The following TRAF3 variants were observed in gnomAD, a reference collection of about 807,000 sequenced individuals.
TRAF3 encodes TNF receptor associated factor 3.
Under a neutral mutation model 62.3 loss-of-function variants are expected in TRAF3, and 13 were observed. The ratio of observed to expected loss-of-function variants is 0.21; its 90% CI spans 0.14 to 0.33. The LOEUF (loss-of-function observed/expected upper bound fraction) is 0.33, where lower values mean the gene tolerates loss of function less well. Among genes scored for constraint, TRAF3 ranks in the 10% least tolerant of loss-of-function variants. TRAF3 has a pLI of 1.00. For synonymous variants in TRAF3, 269 were observed against 283.4 expected, an observed-to-expected ratio of 0.95 and a Z score of 0.51; for missense variants, 440 against 741.8, an observed-to-expected ratio of 0.59 and a Z score of 4.73.
At position 102,797,850 on chromosome 14, in the gene TRAF3, G is replaced by A. The variant is rs182614738; in HGVS notation, c.-157+20175G>A. Among the ~76,000 whole-genome samples, 147 of 151,502 alleles carry A rather than the reference G, an allele frequency of 9.7e-4. 1 individual carries two copies. The highest frequency in any genetic ancestry group is 3.4e-3 in the African/African-American group (142 of 41,298). ...CCACCCAGGTTCAAGCGATTCTCCC[G>A]CCTCAGCTTCCCGAGTAGCTGGGAT... On this transcript the variant is annotated intron_variant, in intron 1 of 11. Coordinates refer to ENST00000392745, the MANE Select transcript of TRAF3 (RefSeq NM_145725.3).
chr14:102,808,672 C>T (rs944282437), intron 1 of TRAF3, among the ~76,000 whole-genome samples: 3 of 152,146 alleles, frequency 2.0e-5, no homozygotes, highest in Non-Finnish European at 2.9e-5. Flanking sequence ...TAGCTATAGA[C>T]GCATTTTACA....
chr14:102,812,875 C>T (rs944504786), intron 1 of TRAF3, among the ~76,000 whole-genome samples: 4 of 151,648 alleles, frequency 2.6e-5, no homozygotes, highest in Non-Finnish European at 5.9e-5. Flanking sequence ...GCCGAGATAG[C>T]GCCACTGCAG....
intron 6 of TRAF3, among the ~76,000 whole-genome samples, chr14:102,879,845 GGTAGCTCACA>G (rs1888945439): frequency 1.3e-5 from 2 of 152,036 alleles, no homozygotes; most frequent in African/African-American, 4.8e-5. Flanking sequence ...GGCTGGGTGT[GGTAGCTCACA>G]CCTGTGTGCC....
intron 1 of TRAF3, among the ~76,000 whole-genome samples, chr14:102,780,458 G>C (rs1010832400): frequency 1.3e-5 from 2 of 151,974 alleles, no homozygotes; most frequent in Non-Finnish European, 2.9e-5. Flanking sequence ...TCCAGGAAAG[G>C]GGGTGGGGAG....
Position 102,910,187 on chromosome 14 carries a change from A to T in TRAF3, c.*4403A>T, listed in dbSNP as rs373563762. The T allele has an allele frequency of 1.3e-5, 2 of 152,322 alleles. No individual in the cohort carries two copies. Among genetic ancestry groups the T allele is most frequent in the Non-Finnish European group, 1.5e-5 (1 of 68,030 alleles). The allele number at this position is 152,322 out of a possible 1,614,324, so 9.4% of individuals were successfully genotyped here. ...CCCTTGCTCAATCCCCGGCCCTCCC[A>T]GACTCCTCCCTCTACTGGGGGTAAT... is the stretch of plus-strand genomic sequence containing the variant. On this transcript the variant is annotated 3_prime_UTR_variant, in exon 12 of 12. Transcript: ENST00000392745.
intron 1 of TRAF3, among the ~76,000 whole-genome samples, chr14:102,781,924 C>T (rs1204539070): frequency 6.6e-6 from 1 of 151,914 alleles, no homozygotes; most frequent in Admixed American, 6.6e-5. Flanking sequence ...TCCTGAGTAG[C>T]TGGGGACCAC....
intron 2 of TRAF3, among the ~76,000 whole-genome samples, chr14:102,863,882 G>A (rs1887820816): frequency 6.6e-6 from 1 of 152,122 alleles, no homozygotes; most frequent in African/African-American, 2.4e-5. Flanking sequence ...TAGACAGGTC[G>A]AAACAAACAA....
intron 4 of TRAF3, among the ~76,000 whole-genome samples, chr14:102,873,157 G>A (rs538326730): frequency 6.6e-6 from 1 of 152,330 alleles, no homozygotes; most frequent in Admixed American, 6.5e-5. Context: ...GTTGGTCAGA[G>A]CAGCCCAGGT....
chr14:102,885,984 A>G, intron 6 of TRAF3, among the ~76,000 whole-genome samples: 1 of 152,148 alleles, frequency 6.6e-6, no homozygotes, highest in African/African-American at 2.4e-5. Context: ...GTCAGATCTG[A>G]CCAGATCTTT....
intron 2 of TRAF3, among the ~76,000 whole-genome samples, chr14:102,865,474 G>A (rs1214967219): frequency 1.3e-5 from 2 of 150,926 alleles, no homozygotes; most frequent in Non-Finnish European, 2.9e-5. Context: ...TTTTTCATCA[G>A]CATCACTCAT....
intron 1 of TRAF3, among the ~76,000 whole-genome samples, chr14:102,794,781 G>C (rs1316786670): frequency 1.3e-5 from 2 of 152,082 alleles, no homozygotes; most frequent in East Asian, 3.8e-4. Context: ...TCTGTGTTCT[G>C]AATCAATAAT....
intron 1 of TRAF3, among the ~76,000 whole-genome samples, chr14:102,784,213 GC>G (rs1462355495): frequency 1.9e-4 from 22 of 118,474 alleles, no homozygotes; most frequent in Non-Finnish European, 3.4e-4. Context: ...AAGATGCTTG[GC>G]CTTTTTTTTT....
At position 102,908,304 on chromosome 14, in the gene TRAF3, G is replaced by A. The variant is rs775889965; in HGVS notation, c.*2520G>A. 6.6e-6 allele frequency: 1 copy of A among 152,460 alleles called. No individual in the cohort carries two copies. Among genetic ancestry groups the A allele is most frequent in the Non-Finnish European group, 1.5e-5 (1 of 68,236 alleles). 9.4% of individuals were successfully genotyped at this position (152,460 alleles called of 1,614,324 possible). ...GGCCTATGTCACACACTTTGTCCTT[G>A]AACCTGAGTGATGGGGGTCCTTGAG... On this transcript the variant is annotated 3_prime_UTR_variant, in exon 12 of 12. Coordinates refer to ENST00000392745, the MANE Select transcript of TRAF3 (RefSeq NM_145725.3).
intron 1 of TRAF3, among the ~76,000 whole-genome samples, chr14:102,828,948 C>T (rs949532191): frequency 6.6e-6 from 1 of 152,156 alleles, no homozygotes; most frequent in African/African-American, 2.4e-5. Flanking sequence ...AAATCTCAGC[C>T]ACTGGCTGTA....
chr14:102,840,211 G>A (rs1034229786), intron 2 of TRAF3, among the ~76,000 whole-genome samples: 6 of 152,062 alleles, frequency 3.9e-5, no homozygotes, highest in Non-Finnish European at 8.8e-5. Context: ...AAAAATCCAT[G>A]ATGAAAAACA....
chr14:102,810,064 A>T (rs1899030020), intron 1 of TRAF3, among the ~76,000 whole-genome samples: 1 of 152,186 alleles, frequency 6.6e-6, no homozygotes, highest in African/African-American at 2.4e-5. Flanking sequence ...AGCAAAGAAG[A>T]ATATGTGACC....
At chr14:102,859,316 T>C (rs1293204561) in intron 2 of TRAF3, among the ~76,000 whole-genome samples, 1 of 152,258 alleles carries the variant, frequency 6.6e-6, no homozygotes, top group Non-Finnish European at 1.5e-5. Flanking sequence ...TGTTACACTG[T>C]TAACTCTTAG....
At chr14:102,891,102 G>C (rs1243892063) in intron 8 of TRAF3, among the ~76,000 whole-genome samples, 1 of 152,228 alleles carries the variant, frequency 6.6e-6, no homozygotes, top group Non-Finnish European at 1.5e-5. Context: ...CTGTGGCACT[G>C]CAGGGTGCTG....
At chr14:102,878,522 A>G (rs772246586) in intron 6 of TRAF3, among the ~76,000 whole-genome samples, 17 of 152,154 alleles carry the variant, frequency 1.1e-4, no homozygotes, top group Admixed American at 3.9e-4. Flanking sequence ...ACAAACACCT[A>G]TTGGGTACCT....
Sources: gnomAD v4.1 joint callset for allele counts (sites outside exome capture counted in the v4.1 genomes callset) on GRCh38, gnomAD v4.1.1 for gene constraint, MANE v1.5 for transcripts, NCBI Gene and HGNC (gene_info 2026-07-23, HGNC 2026-07-21) for gene names.